The following GPR158 variants were observed in gnomAD, a reference collection of about 807,000 sequenced individuals.
GPR158 encodes the protein metabotropic glycine receptor.
In GPR158, 30 loss-of-function variants were observed where a neutral mutation model predicts 78.2. The observed-to-expected ratio is 0.38, with a 90% CI of 0.29 to 0.52. The LOEUF is 0.52. Among genes scored for constraint, GPR158 ranks in the 20% least tolerant of loss-of-function variants. The pLI is 0.83. For missense variants in GPR158, 1,463 were observed against 1,523.5 expected (o/e 0.96, Z 0.66); for synonymous variants, 581 against 591.1 (o/e 0.98, Z 0.25).
rs188466536 is a variant in GPR158, at chr10:25,380,357, C to T, written c.1009-15554C>T. On this transcript the variant is annotated intron_variant, in intron 2 of 10. Transcript: ENST00000376351. The stretch of plus-strand genomic sequence containing the variant: ...CTAAAGTGTACTTTATAAAGTTCTA[C>T]ATGTTTCTGCGTTTTATAAAACTGA... Among the ~76,000 whole-genome samples the T allele has an allele frequency of 3.9e-5, 6 of 152,256 alleles. No homozygotes were observed. The East Asian group carries it at 5.8e-4, about 15-fold the overall frequency.
chr10:25,401,968 G>A (rs1236985861), intron 3 of GPR158, among the ~76,000 whole-genome samples: 1 of 152,004 alleles, frequency 6.6e-6, no homozygotes, highest in South Asian at 2.1e-4. Context: ...TAAGATACAA[G>A]GTGTTTACAT....
chr10:25,597,665 G>A, intron 10 of GPR158, 107 bp from the exon 11 acceptor site: 1 of 752,040 alleles, frequency 1.3e-6, no homozygotes, highest in Non-Finnish European at 2.0e-6. Context: ...TAGAGCAGTT[G>A]CCCCAAATTA....
chr10:25,466,463 A>T, intron 4 of GPR158, 188 bp from the exon 5 acceptor site: 1 of 482,786 alleles, frequency 2.1e-6, no homozygotes, highest in South Asian at 3.8e-5. Context: ...GCCTATCAAC[A>T]CCTTTATAAT....
intron 6 of GPR158, among the ~76,000 whole-genome samples, chr10:25,564,708 G>A (rs147441443): frequency 7.4e-4 from 112 of 152,240 alleles, no homozygotes; most frequent in African/African-American, 2.5e-3. Context: ...AGCATGAGAC[G>A]GAATCAAAGA....
intron 6 of GPR158, among the ~76,000 whole-genome samples, chr10:25,563,856 A>G (rs936109522): frequency 2.6e-5 from 4 of 152,122 alleles, no homozygotes; most frequent in Non-Finnish European, 5.9e-5. Context: ...ACTTTATCTA[A>G]TAAGGTTAAT....
At chr10:25,226,564 CTG>C (rs1236238237) in intron 2 of GPR158, among the ~76,000 whole-genome samples, 2 of 152,224 alleles carry the variant, frequency 1.3e-5, no homozygotes, top group African/African-American at 2.4e-5. Context: ...ACACTGGAAA[CTG>C]TAATAGTCTC....
intron 4 of GPR158, among the ~76,000 whole-genome samples, chr10:25,432,544 G>A (rs141769156): frequency 6.6e-6 from 1 of 152,146 alleles, no homozygotes; most frequent in Non-Finnish European, 1.5e-5. Flanking sequence ...TCAAAATTGG[G>A]TTAGGTCATC....
chr10:25,465,565 C>A (rs1588876115), intron 4 of GPR158, among the ~76,000 whole-genome samples: 1 of 152,128 alleles, frequency 6.6e-6, no homozygotes, highest in South Asian at 2.1e-4. Context: ...TCAACTAATT[C>A]TTTTGAATTT....
chr10:25,531,859 G>A (rs2130694186), intron 5 of GPR158, among the ~76,000 whole-genome samples: 1 of 152,236 alleles, frequency 6.6e-6, no homozygotes, highest in African/African-American at 2.4e-5. Context: ...GGTCAGAGTG[G>A]GCTGCTCAAG....
At chr10:25,457,471 A>G (rs1835306738) in intron 4 of GPR158, among the ~76,000 whole-genome samples, 1 of 151,986 alleles carries the variant, frequency 6.6e-6, no homozygotes, top group Non-Finnish European at 1.5e-5. Flanking sequence ...AATTTACTTA[A>G]GTGAAATATG....
chr10:25,473,130 T>A, intron 5 of GPR158, among the ~76,000 whole-genome samples: 1 of 152,028 alleles, frequency 6.6e-6, no homozygotes. Context: ...ATACGTCCCA[T>A]CAATACCTAA....
intron 6 of GPR158, among the ~76,000 whole-genome samples, chr10:25,560,540 C>T (rs1836847605): frequency 6.6e-6 from 1 of 152,216 alleles, no homozygotes; most frequent in Admixed American, 6.5e-5. Flanking sequence ...GCTGGGATTA[C>T]AGGTGTGAGC....
chr10:25,460,384 T>C lies in GPR158; in HGVS notation c.1336-6267T>C, dbSNP rs541098934. Among the ~76,000 whole-genome samples the C allele has an allele frequency of 1.2e-4, 19 of 152,138 alleles. 1 individual carries two copies. The highest frequency in any genetic ancestry group is 2.2e-4 in the Non-Finnish European group (15 of 68,000). ...GCCCAGCAAATTTTTGTATTTTTAG[T>C]AGAGATGGGGTTTCGCCATATTGGC... On this transcript the variant is annotated intron_variant, in intron 4 of 10. Transcript: ENST00000376351.
At chr10:25,352,457 G>A (rs1040680551) in intron 2 of GPR158, among the ~76,000 whole-genome samples, 1 of 151,978 alleles carries the variant, frequency 6.6e-6, no homozygotes, top group Non-Finnish European at 1.5e-5. Context: ...TTAGTTTTTA[G>A]AACCTTCCAC....
At chr10:25,583,670 T>G (rs1837231932) in intron 7 of GPR158, among the ~76,000 whole-genome samples, 1 of 151,504 alleles carries the variant, frequency 6.6e-6, no homozygotes, top group Non-Finnish European at 1.5e-5. Flanking sequence ...TTTTTTTTAC[T>G]TTAACCATGA....
chr10:25,175,945 C>T lies in GPR158; in HGVS notation c.525C>T (p.Ala175=), dbSNP rs1262337328. The T allele has an allele frequency of 6.2e-7, 1 of 1,613,546 alleles. No homozygotes were observed. The highest frequency in any genetic ancestry group is 2.2e-5 in the East Asian group (1 of 44,856). Residue 175 remains alanine, a synonymous_variant, in exon 1 of 11, where the codon GCC becomes GCT. Transcript: ENST00000376351. This position sits in a 1 kb window ranked among gnomAD's most constrained non-coding sequence, Gnocchi z 6.4. The part of the protein sequence containing the change: ...LEGEPSISRA[A]ITFSTDSLSA... ...GCGAGCCCAGCATCTCCCGGGCGGC[C>T]ATCACCTTCAGCACCGATTCGCTGT...
chr10:25,387,516 A>ATTT (rs57404980), intron 2 of GPR158, among the ~76,000 whole-genome samples: 105 of 140,496 alleles, frequency 7.5e-4, no homozygotes, highest in East Asian at 2.9e-3. Context: ...TTCTCTTCAA[A>ATTT]TTTTTTTTTT....
intron 5 of GPR158, among the ~76,000 whole-genome samples, chr10:25,480,728 A>T (rs777818594): frequency 6.6e-6 from 1 of 152,136 alleles, no homozygotes; most frequent in African/African-American, 2.4e-5. Flanking sequence ...TTGTTGATTC[A>T]TCCGTCACTG....
intron 2 of GPR158, among the ~76,000 whole-genome samples, chr10:25,309,671 A>G (rs1854735727): frequency 6.6e-6 from 1 of 152,106 alleles, no homozygotes; most frequent in African/African-American, 2.4e-5. Context: ...CATGGGCATG[A>G]CCTGGTTGGA....
Sources: allele counts gnomAD v4.1 joint callset (sites outside exome capture counted in the v4.1 genomes callset), GRCh38; gene constraint gnomAD v4.1.1; non-coding constraint Gnocchi (gnomAD v3.1); transcripts MANE v1.5; gene names NCBI Gene and HGNC (gene_info 2026-07-23, HGNC 2026-07-21).